Variants in APOD observed in about 807,000 individuals in gnomAD.
The protein encoded by APOD is apolipoprotein D.
A neutral mutation model predicts 20.4 loss-of-function variants in APOD; 22 were observed. That is an observed-to-expected ratio of 1.08 (90% CI 0.77 to 1.54). The LOEUF (loss-of-function observed/expected upper bound fraction) is 1.54, where lower values mean the gene tolerates loss of function less well. Among genes scored for constraint, APOD ranks in the 40% most tolerant of loss-of-function variants. The probability of loss-of-function intolerance (pLI) is 0.00; values close to 1 mark genes in which losing one functional copy is unlikely to be tolerated. For missense variants in APOD, 223 were observed against 229.6 expected, an observed-to-expected ratio of 0.97 and a Z score of 0.19; for synonymous variants, 97 against 92.4, an observed-to-expected ratio of 1.05 and a Z score of -0.29.
chr3:195,580,854 G>A (rs1395256244), intron 1 of APOD, among the ~76,000 whole-genome samples: 1 of 152,226 alleles, frequency 6.6e-6, no homozygotes, highest in Non-Finnish European at 1.5e-5. Flanking sequence ...GGAGACAGAG[G>A]CTGCAGGACT....
At chr3:195,575,620 A>C (rs1039063106) in intron 2 of APOD, among the ~76,000 whole-genome samples, 1 of 152,116 alleles carries the variant, frequency 6.6e-6, no homozygotes, top group Non-Finnish European at 1.5e-5. Context: ...TATCTAGTTA[A>C]AATACTAATT....
rs1720099997 is a variant in APOD at position 195,568,711 on chromosome 3, T to G, written c.*189A>C. On this transcript the variant is annotated 3_prime_UTR_variant, in exon 5 of 5. Coordinates refer to ENST00000343267, the MANE Select transcript of APOD (RefSeq NM_001647.4). ...CCACAATAATTAATCCAACTTGGAATCTACTGCGAGCACAGCAGGTCAGCA... is the reference window on the plus strand; with the variant it reads ...CCACAATAATTAATCCAACTTGGAAGCTACTGCGAGCACAGCAGGTCAGCA... The G allele has an allele frequency of 1.7e-6, 1 of 597,242 alleles. No homozygotes were observed. The highest frequency in any genetic ancestry group is 1.9e-5 in the African/African-American group (1 of 53,634). The allele number at this position is 597,242 out of a possible 1,614,324, so 37.0% of individuals were successfully genotyped here. A position where few individuals can be genotyped will look rare whatever the true frequency, so the allele number is the denominator to read the frequency against.
intron 1 of APOD, among the ~76,000 whole-genome samples, chr3:195,580,007 G>A (rs956492204): frequency 2.6e-5 from 4 of 152,206 alleles, no homozygotes; most frequent in East Asian, 3.9e-4. Context: ...CCCTCCCCCT[G>A]CCCTCGTCTT....
At position 195,579,505 on chromosome 3, in the gene APOD, C is replaced by A. The variant is rs1352127244; in HGVS notation, c.-34-10G>T. 6.2e-7 allele frequency: 1 copy of A among 1,603,470 alleles called. No individual in the cohort carries two copies. Among genetic ancestry groups the A allele is most frequent in the Non-Finnish European group, 8.5e-7 (1 of 1,178,968 alleles). ...GAGAAGGGACCTGGAGCTGCGGGAA[C>A]GCAAAGCAGCTGGGGTTGTCATTCT... On this transcript the variant is annotated splice_polypyrimidine_tract_variant and intron_variant, in intron 1 of 4. Transcript: ENST00000343267.
At chr3:195,572,331 T>A (rs7618045) in intron 3 of APOD, among the ~76,000 whole-genome samples, 27,680 of 152,132 alleles carry the variant, frequency 0.18, 3,020 homozygotes, top group East Asian at 0.37. Flanking sequence ...AACATTTACT[T>A]TATCTCAGTG....
At chr3:195,576,752 G>C (rs1350362832) in intron 2 of APOD, among the ~76,000 whole-genome samples, 1 of 152,136 alleles carries the variant, frequency 6.6e-6, no homozygotes, top group East Asian at 1.9e-4. Context: ...AGAGGTTGCA[G>C]TGAGCTGAGA....
At chr3:195,580,065 G>A (rs1016235381) in intron 1 of APOD, among the ~76,000 whole-genome samples, 2 of 152,076 alleles carry the variant, frequency 1.3e-5, no homozygotes, top group Admixed American at 6.5e-5. Context: ...CCTTAACAGG[G>A]AGCGGCCTGC....
Position 195,571,282 on chromosome 3 carries a change from GA to G in APOD, c.328del (p.Ser110ProfsTer54). 6.2e-7 allele frequency: 1 copy of G among 1,613,836 alleles called. No individual in the cohort carries two copies. Among genetic ancestry groups the G allele is most frequent in the Non-Finnish European group, 8.5e-7 (1 of 1,179,844 alleles). ...TEPAKLEVKF[S>X]WFMPSAPYWI... ...TGGGAAAAGTGGATACTTACACCAGGAAAACTTAACTTCCAGCTTGGCAGGC... is the reference window on the plus strand; with the variant it reads ...TGGGAAAAGTGGATACTTACACCAGGAAACTTAACTTCCAGCTTGGCAGGC... On this transcript the variant is annotated frameshift_variant, in exon 4 of 5. Transcript: ENST00000343267. LOFTEE classifies it high-confidence loss of function.
At chr3:195,580,365 C>CTTTTT (rs139094015) in intron 1 of APOD, among the ~76,000 whole-genome samples, 1 of 124,330 alleles carries the variant, frequency 8.0e-6, no homozygotes, top group South Asian at 2.4e-4. Context: ...TTCTTTCTTT[C>CTTTTT]TTCTTTTTTT....
At chr3:195,582,336 T>C (rs1306340792) in intron 1 of APOD, among the ~76,000 whole-genome samples, 1 of 152,254 alleles carries the variant, frequency 6.6e-6, no homozygotes, top group Non-Finnish European at 1.5e-5. Context: ...CTTAAGACTT[T>C]GGGTAACATA....
intron 3 of APOD, among the ~76,000 whole-genome samples, chr3:195,572,895 G>A (rs1720190044): frequency 6.6e-6 from 1 of 152,112 alleles, no homozygotes; most frequent in African/African-American, 2.4e-5. Context: ...TTAATGCTAT[G>A]GTTAGTGGTG....
chr3:195,580,849 C>T (rs1279759194), intron 1 of APOD, among the ~76,000 whole-genome samples: 7 of 152,330 alleles, frequency 4.6e-5, no homozygotes, highest in South Asian at 2.1e-4. Flanking sequence ...GGCAGGGAGA[C>T]AGAGGCTGCA....
In APOD at chr3:195,568,758, C is replaced by T; in HGVS notation, c.*142G>A. On this transcript the variant is annotated 3_prime_UTR_variant, in exon 5 of 5. Transcript: ENST00000343267. ...AGCAACAAGTTTATTTTGCAGCTAG[C>T]AAGGTAACAGGGTAGGGCATGGTTA... 2 of 642,258 alleles carry T rather than the reference C, an allele frequency of 3.1e-6. No individual in the cohort carries two copies. The highest frequency in any genetic ancestry group is 5.4e-5 in the East Asian group (2 of 36,768). 39.8% of individuals were successfully genotyped at this position (642,258 alleles called of 1,614,324 possible).
chr3:195,579,326 G>A lies in APOD; in HGVS notation c.123+13C>T, dbSNP rs776763868. The A allele has an allele frequency of 2.7e-5, 44 of 1,613,902 alleles. No homozygotes were observed. Among genetic ancestry groups the A allele is most frequent in the Middle Eastern group, 3.3e-4 (2 of 6,082 alleles). On this transcript the variant is annotated intron_variant, in intron 2 of 4. Coordinates refer to ENST00000343267, the MANE Select transcript of APOD (RefSeq NM_001647.4). ...GCGGAGGCAGCAAAACAAACGGGAG[G>A]TTCGCCTTTTACCTTATTCACGTCA... is the stretch of plus-strand genomic sequence containing the variant.
At position 195,568,790 on chromosome 3, in the gene APOD, C is replaced by T. The variant is rs7659; in HGVS notation, c.*110G>A. The T allele has an allele frequency of 0.64, 488,173 of 762,516 alleles. 164,886 individuals carry two copies. The highest frequency in any genetic ancestry group is 0.77 in the Admixed American group (38,387 of 50,164). 47.2% of individuals were successfully genotyped at this position (762,516 alleles called of 1,614,324 possible). ...ACAGGGTAGGGCATGGTTACATGTT[C>T]AGGTCAACTTCCTTTGTCGTGGTTG... On this transcript the variant is annotated 3_prime_UTR_variant, in exon 5 of 5. Transcript: ENST00000343267.
At chr3:195,574,527 G>A (rs1285539187) in intron 2 of APOD, among the ~76,000 whole-genome samples, 1 of 152,198 alleles carries the variant, frequency 6.6e-6, no homozygotes, top group African/African-American at 2.4e-5. Context: ...GGGGAAGGTC[G>A]AGGGAACCAG....
At chr3:195,571,609 G>A (rs1560044649) in intron 3 of APOD, among the ~76,000 whole-genome samples, 1 of 152,104 alleles carries the variant, frequency 6.6e-6, no homozygotes, top group Admixed American at 6.5e-5. Flanking sequence ...GTGATAAGAA[G>A]CCGCAATTGA....
intron 3 of APOD, among the ~76,000 whole-genome samples, chr3:195,572,740 G>GCA (rs1720184021): frequency 6.6e-6 from 1 of 152,128 alleles, no homozygotes; most frequent in Admixed American, 6.5e-5. Context: ...GGCCGGGCGT[G>GCA]GTGGCTCACG....
intron 1 of APOD, among the ~76,000 whole-genome samples, chr3:195,580,372 T>C (rs1328211714): frequency 4.0e-5 from 6 of 150,836 alleles, no homozygotes; most frequent in African/African-American, 1.5e-4. Flanking sequence ...TTTCTTCTTT[T>C]TTTTTTTTTG....
Sources: gnomAD v4.1 joint callset for allele counts (sites outside exome capture counted in the v4.1 genomes callset) on GRCh38, gnomAD v4.1.1 for gene constraint, MANE v1.5 for transcripts, NCBI Gene and HGNC (gene_info 2026-07-23, HGNC 2026-07-21) for gene names.